The following AQR variants were observed in gnomAD, a reference collection of about 807,000 sequenced individuals.
AQR encodes RNA helicase aquarius.
AQR carries 61 observed loss-of-function variants against 180.5 expected under a neutral mutation model. The observed-to-expected ratio is 0.34, with a 90% CI of 0.28 to 0.42. The LOEUF (loss-of-function observed/expected upper bound fraction) is 0.42. Among genes scored for constraint, AQR ranks in the 10% least tolerant of loss-of-function variants. AQR has a pLI of 1.00. For synonymous variants in AQR, 551 were observed against 588.8 expected, an observed-to-expected ratio of 0.94 and a Z score of 0.93; for missense variants, 1,281 against 1,798.3, an observed-to-expected ratio of 0.71 and a Z score of 5.20.
At chr15:34,930,897 T>C (rs908516048) in intron 11 of AQR, among the ~76,000 whole-genome samples, 4 of 144,772 alleles carry the variant, frequency 2.8e-5, no homozygotes, top group East Asian at 2.1e-4. Flanking sequence ...AGTGCAGTGG[T>C]GCGATCTCGG....
chr15:34,887,859 T>C (rs543093224), intron 24 of AQR, among the ~76,000 whole-genome samples: 1 of 152,320 alleles, frequency 6.6e-6, no homozygotes, highest in Non-Finnish European at 1.5e-5. Flanking sequence ...TGGAAGGATA[T>C]AAACATATGG....
intron 13 of AQR, among the ~76,000 whole-genome samples, chr15:34,923,245 T>C (rs1893708343): frequency 6.6e-6 from 1 of 152,186 alleles, no homozygotes; most frequent in Non-Finnish European, 1.5e-5. Flanking sequence ...TAGGGTTCAG[T>C]ACAATCTACA....
chr15:34,961,334 A>T (rs1417341968), intron 2 of AQR, among the ~76,000 whole-genome samples: 1 of 152,140 alleles, frequency 6.6e-6, no homozygotes, highest in African/African-American at 2.4e-5. Context: ...GACTCTGGCC[A>T]GGCACGGTGG....
At chr15:34,866,998 G>A (rs1287136294) in intron 32 of AQR, among the ~76,000 whole-genome samples, 2 of 152,038 alleles carry the variant, frequency 1.3e-5, no homozygotes, top group Non-Finnish European at 2.9e-5. Context: ...CTAAATGGAT[G>A]CTTTATAATA....
chr15:34,897,028 T>C, intron 21 of AQR, 62 bp from the exon 22 acceptor site: 1 of 1,333,608 alleles, frequency 7.5e-7, no homozygotes, highest in Non-Finnish European at 1.1e-6. Flanking sequence ...AATACAAATT[T>C]AGACAACAAT....
At chr15:34,930,428 A>G in intron 11 of AQR, 57 bp from the exon 12 acceptor site, 1 of 981,642 alleles carries the variant, frequency 1.0e-6, no homozygotes, top group East Asian at 2.4e-5. Flanking sequence ...AGAAAGCACA[A>G]TACTGTTTAA....
chr15:34,861,348 A>G (rs1000872900), intron 33 of AQR, among the ~76,000 whole-genome samples: 2 of 152,142 alleles, frequency 1.3e-5, no homozygotes, highest in African/African-American at 4.8e-5. Context: ...TTTGCTTGTT[A>G]GCTTATTTTC....
chr15:34,900,897 G>A, intron 19 of AQR, 34 bp from the exon 20 acceptor site: 1 of 1,548,874 alleles, frequency 6.5e-7, no homozygotes, highest in Non-Finnish European at 8.7e-7. Context: ...GATTGTGTCA[G>A]TATGACATCT....
intron 3 of AQR, among the ~76,000 whole-genome samples, chr15:34,957,800 C>CA: frequency 1.3e-5 from 2 of 148,314 alleles, no homozygotes; most frequent in East Asian, 4.1e-4. Context: ...ACATAAAAAA[C>CA]AAAAAAATTA....
rs142741809 is a variant in AQR at position 34,946,307 on chromosome 15, T to C, written c.331-1879A>G. ...AACCAAAAGAACATTGAAATTATAA[T>C]GTAAGCATCTGTCTTGACTTTGGTA... On this transcript the variant is annotated intron_variant, in intron 5 of 34. Coordinates refer to ENST00000156471, the MANE Select transcript of AQR (RefSeq NM_014691.3). Among the ~76,000 whole-genome samples, 40 of 152,304 alleles carry C rather than the reference T, an allele frequency of 2.6e-4. No individual in the cohort carries two copies. The East Asian group carries it at 3.7e-3, about 14-fold the overall frequency.
In AQR at chr15:34,869,265, T is replaced by C. The variant is rs568604892; in HGVS notation, c.3768+1487A>G. On this transcript the variant is annotated intron_variant, in intron 31 of 34. Transcript: ENST00000156471. ...TTTCTATTTCCTTGACAACTAATGA[T>C]GGTAAGCACTTTTTCATGACGTATT... The C allele has an allele frequency of 2.6e-5, 4 of 152,290 alleles. No individual in the cohort carries two copies. The South Asian group carries it at 6.2e-4, about 24-fold the overall frequency. 9.4% of individuals were successfully genotyped at this position (152,290 alleles called of 1,614,324 possible).
At chr15:34,904,209 G>A (rs983391660) in intron 19 of AQR, 127 bp downstream of exon 19, 9 of 564,878 alleles carry the variant, frequency 1.6e-5, no homozygotes, top group Middle Eastern at 5.0e-4. Context: ...ATTGCTTATA[G>A]TAAAAATAAA....
intron 5 of AQR, among the ~76,000 whole-genome samples, chr15:34,945,757 A>G (rs934638943): frequency 3.3e-5 from 5 of 152,120 alleles, no homozygotes; most frequent in African/African-American, 1.2e-4. Context: ...CACTTTGGTG[A>G]CCATTTACTC....
chr15:34,860,461 A>AG (rs1319865954), intron 33 of AQR, among the ~76,000 whole-genome samples: 1 of 151,996 alleles, frequency 6.6e-6, no homozygotes, highest in Non-Finnish European at 1.5e-5. Flanking sequence ...AAATTTAGAA[A>AG]GGTTAGAGAC....
At chr15:34,890,679 A>C (rs1893130915) in intron 23 of AQR, among the ~76,000 whole-genome samples, 1 of 152,170 alleles carries the variant, frequency 6.6e-6, no homozygotes, top group Non-Finnish European at 1.5e-5. Context: ...AGAACTGAAA[A>C]AGTTTTTGCA....
intron 20 of AQR, among the ~76,000 whole-genome samples, chr15:34,898,605 G>T (rs1487051217): frequency 1.3e-5 from 2 of 152,194 alleles, no homozygotes; most frequent in Admixed American, 6.5e-5. Flanking sequence ...ACTATCCTCG[G>T]CCAGGCGCGT....
intron 31 of AQR, chr15:34,868,318 A>G (rs1892767991): frequency 6.6e-6 from 1 of 151,964 alleles, no homozygotes; most frequent in African/African-American, 2.4e-5. Context: ...GTAACAGAGT[A>G]AGGCCCTGTT....
At chr15:34,943,506 G>A (rs996374100) in intron 6 of AQR, 1 of 385,466 alleles carries the variant, frequency 2.6e-6, no homozygotes, top group Non-Finnish European at 4.2e-6. Flanking sequence ...AGAGATAACA[G>A]TGGTATCCAG....
At chr15:34,901,996 T>C (rs1377476742) in intron 19 of AQR, among the ~76,000 whole-genome samples, 1 of 152,164 alleles carries the variant, frequency 6.6e-6, no homozygotes, top group Non-Finnish European at 1.5e-5. Context: ...AGCAGCAGAA[T>C]GGTAAATAGT....
Sources: gnomAD v4.1 joint callset for allele counts (sites outside exome capture counted in the v4.1 genomes callset) on GRCh38, gnomAD v4.1.1 for gene constraint, MANE v1.5 for transcripts, NCBI Gene and HGNC (gene_info 2026-07-23, HGNC 2026-07-21) for gene names.